IGF2BP3: variants seen among roughly 807,000 people sequenced by gnomAD.
IGF2BP3 encodes the protein insulin like growth factor 2 mRNA binding protein 3, also known as insulin-like growth factor 2 mRNA-binding protein 3.
A neutral mutation model predicts 73.8 loss-of-function variants in IGF2BP3; 9 were observed. The observed-to-expected ratio is 0.12, with a 90% CI of 0.07 to 0.21. The LOEUF (loss-of-function observed/expected upper bound fraction) is 0.21, where lower values mean the gene tolerates loss of function less well. Among genes scored for constraint, IGF2BP3 ranks in the 10% least tolerant of loss-of-function variants. The pLI, the probability that IGF2BP3 is intolerant of heterozygous loss-of-function variation, is 1.00. For synonymous variants in IGF2BP3, 258 were observed against 256.7 expected (o/e 1.01, Z -0.05); for missense variants, 542 against 714.0 (o/e 0.76, Z 2.75).
intron 3 of IGF2BP3, among the ~76,000 whole-genome samples, chr7:23,395,877 G>T (rs941364561): frequency 6.6e-6 from 1 of 151,674 alleles, no homozygotes; most frequent in Non-Finnish European, 1.5e-5. Flanking sequence ...AGTGAGCTGA[G>T]ATCACATCAC....
chr7:23,382,242 AAAAAAAC>A (rs933453207), intron 3 of IGF2BP3, among the ~76,000 whole-genome samples: 1 of 152,114 alleles, frequency 6.6e-6, no homozygotes, highest in Non-Finnish European at 1.5e-5. Context: ...ATGCTGTTTT[AAAAAAAC>A]AAAAAACAAA....
At chr7:23,378,401 G>GTTTTTTTTTT (rs373876363) in intron 3 of IGF2BP3, among the ~76,000 whole-genome samples, 7 of 128,062 alleles carry the variant, frequency 5.5e-5, no homozygotes, top group African/African-American at 2.6e-4. Context: ...TCTCTTCTTG[G>GTTTTTTTTTT]TTTTTTTTTG....
At chr7:23,413,241 G>A (rs1787085425) in intron 3 of IGF2BP3, 1 of 151,862 alleles carries the variant, frequency 6.6e-6, no homozygotes, top group Non-Finnish European at 1.5e-5. Context: ...AGCACTTTGG[G>A]AGGCTGAGAT....
intron 9 of IGF2BP3, among the ~76,000 whole-genome samples, 170 bp from the exon 10 acceptor site, chr7:23,342,359 T>C (rs1475036630): frequency 2.6e-5 from 4 of 152,210 alleles, no homozygotes; most frequent in Admixed American, 2.6e-4. Context: ...TACATCTGTT[T>C]ATATCCCTTG....
intron 10 of IGF2BP3, among the ~76,000 whole-genome samples, chr7:23,322,286 G>A (rs905920961): frequency 2.0e-5 from 3 of 152,222 alleles, no homozygotes; most frequent in African/African-American, 7.2e-5. Flanking sequence ...AGAAGCCTCA[G>A]GAGCCGATGT....
chr7:23,361,804 A>C lies in IGF2BP3; in HGVS notation c.286-63T>G, dbSNP rs1475053365. The C allele has an allele frequency of 2.8e-6, 4 of 1,410,172 alleles. No homozygotes were observed. The Admixed American group carries it at 8.4e-5, about 29-fold the overall frequency. The allele number at this position is 1,410,172 out of a possible 1,614,324, so 87.4% of individuals were successfully genotyped here. ...TTCCCAAGTTATTATCAAGGGCAGG[A>C]ATATGTCTTAAAATCACTAAGTAAT... On this transcript the variant is annotated intron_variant, in intron 3 of 14. Coordinates refer to ENST00000258729, the MANE Select transcript of IGF2BP3 (RefSeq NM_006547.3).
chr7:23,342,915 G>A (rs1327866640), intron 9 of IGF2BP3, among the ~76,000 whole-genome samples: 1 of 152,188 alleles, frequency 6.6e-6, no homozygotes, highest in Admixed American at 6.5e-5. Context: ...GTCACGTGGG[G>A]TGTAAAATGG....
rs756447393 is a variant in IGF2BP3 at position 23,317,725 on chromosome 7, CCAA to C, written c.1321-15_1321-13del. ...TCCGCTGGAGCAATCTGTAACAGAC[CCAA>C]CAACAAGTTATGATACTTTCAGGTA... On this transcript the variant is annotated splice_polypyrimidine_tract_variant and intron_variant, in intron 11 of 14. Coordinates refer to ENST00000258729, the MANE Select transcript of IGF2BP3 (RefSeq NM_006547.3). 7.5e-6 allele frequency: 12 copies of C among 1,610,476 alleles called. No individual in the cohort carries two copies. In the East Asian group the frequency reaches 1.6e-4, roughly 21 times the overall value.
chr7:23,335,749 A>G (rs1562681269), intron 10 of IGF2BP3, among the ~76,000 whole-genome samples: 1 of 152,216 alleles, frequency 6.6e-6, no homozygotes, highest in Non-Finnish European at 1.5e-5. Flanking sequence ...ACTTCTGCCA[A>G]TCCAACTGTA....
Position 23,310,534 on chromosome 7 carries a change from C to A in IGF2BP3, c.*1828G>T, listed in dbSNP as rs1783798840. The A allele has an allele frequency of 6.6e-6, 1 of 152,066 alleles. No individual in the cohort carries two copies. The highest frequency in any genetic ancestry group is 1.5e-5 in the Non-Finnish European group (1 of 68,018). The allele number at this position is 152,066 out of a possible 1,614,324, so 9.4% of individuals were successfully genotyped here. A position where few individuals can be genotyped will look rare whatever the true frequency, so the allele number is the denominator to read the frequency against. ...CTGAGAAAAGCTCTGGCCTTAAACA[C>A]ATCTTACCTGAAATCCAACCAGAAA... On this transcript the variant is annotated 3_prime_UTR_variant, in exon 15 of 15. Coordinates refer to ENST00000258729, the MANE Select transcript of IGF2BP3 (RefSeq NM_006547.3).
chr7:23,317,377 C>T (rs1434939534), intron 12 of IGF2BP3, among the ~76,000 whole-genome samples: 1 of 152,228 alleles, frequency 6.6e-6, no homozygotes, highest in Non-Finnish European at 1.5e-5. Flanking sequence ...TTTAAGGTCT[C>T]ACCTTAGCAT....
intron 3 of IGF2BP3, among the ~76,000 whole-genome samples, chr7:23,369,229 C>T (rs1006121886): frequency 3.3e-5 from 5 of 152,074 alleles, no homozygotes; most frequent in African/African-American, 9.7e-5. Flanking sequence ...ACAAGCAGAA[C>T]CTAAGTGCCT....
chr7:23,353,613 T>C (rs774139727), intron 5 of IGF2BP3, among the ~76,000 whole-genome samples: 4 of 152,236 alleles, frequency 2.6e-5, no homozygotes, highest in Non-Finnish European at 4.4e-5. Context: ...TGTATTCATA[T>C]TCGGTTCCTT....
chr7:23,326,412 AAAC>A (rs1784297477), intron 10 of IGF2BP3, among the ~76,000 whole-genome samples: 4 of 152,002 alleles, frequency 2.6e-5, no homozygotes, highest in African/African-American at 7.3e-5. Context: ...AAAAGTCAGG[AAAC>A]AACAGGTGCT....
intron 2 of IGF2BP3, among the ~76,000 whole-genome samples, chr7:23,426,260 C>A (rs2128539539): frequency 7.2e-6 from 1 of 138,532 alleles, no homozygotes; most frequent in South Asian, 2.2e-4. Context: ...TCAGAGGCTG[C>A]AGCAAGCTGA....
In IGF2BP3 at chr7:23,469,460, C is replaced by T. The variant is rs1765853012; in HGVS notation, c.175+476G>A. 1 of 152,360 alleles carries T rather than the reference C, an allele frequency of 6.6e-6. No homozygotes were observed. The highest frequency in any genetic ancestry group is 2.4e-5 in the African/African-American group (1 of 41,462). The allele number at this position is 152,360 out of a possible 1,614,324, so 9.4% of individuals were successfully genotyped here. On this transcript the variant is annotated intron_variant, in intron 1 of 14. Transcript: ENST00000258729. This position sits in a 1 kb window ranked among gnomAD's most constrained non-coding sequence, Gnocchi z 6.1. ...GCACCAGCCTCGCGGTCTCACTCGG[C>T]AGCACGGTCGAGGCCACTTTCCGTT...
chr7:23,368,762 T>C (rs984873254), intron 3 of IGF2BP3, among the ~76,000 whole-genome samples: 1 of 152,016 alleles, frequency 6.6e-6, no homozygotes, highest in African/African-American at 2.4e-5. Context: ...CCGGGCGTGG[T>C]CGCGCTTGCC....
At chr7:23,439,435 T>A (rs904242727) in intron 2 of IGF2BP3, among the ~76,000 whole-genome samples, 13 of 150,742 alleles carry the variant, frequency 8.6e-5, no homozygotes, top group African/African-American at 3.2e-4. Context: ...GGCGGGCGCC[T>A]GTAGTCCCAG....
chr7:23,355,957 A>G (rs1308967584), intron 5 of IGF2BP3, among the ~76,000 whole-genome samples: 1 of 151,082 alleles, frequency 6.6e-6, no homozygotes, highest in Non-Finnish European at 1.5e-5. Flanking sequence ...AAAATTGTTC[A>G]TTGGGGTAGA....
Sources: allele counts gnomAD v4.1 joint callset (sites outside exome capture counted in the v4.1 genomes callset), GRCh38; gene constraint gnomAD v4.1.1; non-coding constraint Gnocchi (gnomAD v3.1); transcripts MANE v1.5; gene names NCBI Gene and HGNC (gene_info 2026-07-23, HGNC 2026-07-21).